The following OSBPL9 variants were observed in gnomAD, a reference collection of about 807,000 sequenced individuals.
OSBPL9 encodes oxysterol-binding protein-related protein 9.
In OSBPL9, 40 loss-of-function variants were observed where a neutral mutation model predicts 106.6. The observed-to-expected ratio is 0.38, with a 90% CI of 0.29 to 0.49. The LOEUF (loss-of-function observed/expected upper bound fraction) is 0.49, where lower values mean the gene tolerates loss of function less well. Ranked by LOEUF, OSBPL9 falls within the 20% of genes least tolerant of loss-of-function variation. The probability of loss-of-function intolerance (pLI) is 0.97; values close to 1 mark genes in which losing one functional copy is unlikely to be tolerated. For synonymous variants in OSBPL9, 269 were observed against 295.4 expected, an observed-to-expected ratio of 0.91 and a Z score of 0.92; for missense variants, 609 against 887.2, an observed-to-expected ratio of 0.69 and a Z score of 3.98.
intron 2 of OSBPL9, among the ~76,000 whole-genome samples, chr1:51,599,154 A>G (rs1316141814): frequency 6.6e-6 from 1 of 152,210 alleles, no homozygotes; most frequent in Non-Finnish European, 1.5e-5. Context: ...TCGAGGCTGC[A>G]GTGAGCTATG....
At chr1:51,561,697 G>C in the OSBPL9 span, 1 of 152,192 alleles carries the variant, frequency 6.6e-6, no homozygotes, top group Non-Finnish European at 1.5e-5. Flanking sequence ...TGGTACATGA[G>C]AGGGACTCAG....
intron 1 of OSBPL9, among the ~76,000 whole-genome samples, chr1:51,578,424 AATATC>A (rs1414682680): frequency 6.6e-6 from 1 of 152,234 alleles, no homozygotes; most frequent in Non-Finnish European, 1.5e-5. Context: ...TTAGGAGAAT[AATATC>A]ATATGATTAA....
At chr1:51,559,457 A>ACACACTCCT in the OSBPL9 span, among the ~76,000 whole-genome samples, 1 of 152,036 alleles carries the variant, frequency 6.6e-6, no homozygotes, top group South Asian at 2.1e-4. Context: ...ACACACACAC[A>ACACACTCCT]CACACACACA....
the OSBPL9 span, among the ~76,000 whole-genome samples, chr1:51,533,608 T>G: frequency 6.6e-6 from 1 of 151,572 alleles, no homozygotes; most frequent in Non-Finnish European, 1.5e-5. Context: ...AAGGAAAGCC[T>G]CCAAAGCAGG....
chr1:51,521,797 A>C, the OSBPL9 span, among the ~76,000 whole-genome samples: 1 of 152,130 alleles, frequency 6.6e-6, no homozygotes, highest in Non-Finnish European at 1.5e-5. Flanking sequence ...TCACTCTGTC[A>C]CCCAGGCTGG....
chr1:51,583,915 C>A (rs1177657172), intron 1 of OSBPL9, among the ~76,000 whole-genome samples: 2 of 152,122 alleles, frequency 1.3e-5, no homozygotes, highest in South Asian at 2.1e-4. Context: ...GTTTGAATTC[C>A]AGTTTCTGCC....
chr1:51,763,318 A>G (rs1671913054), intron 11 of OSBPL9, among the ~76,000 whole-genome samples: 1 of 151,956 alleles, frequency 6.6e-6, no homozygotes, highest in East Asian at 1.9e-4. Flanking sequence ...CATTTTCTTA[A>G]TTCGTTTAGG....
chr1:51,680,392 G>A (rs921089531), intron 3 of OSBPL9, among the ~76,000 whole-genome samples: 7 of 151,996 alleles, frequency 4.6e-5, no homozygotes, highest in Non-Finnish European at 8.8e-5. Context: ...GATAGCTCAC[G>A]CCTGTAATCC....
chr1:51,543,872 T>C, the OSBPL9 span, among the ~76,000 whole-genome samples: 1 of 152,232 alleles, frequency 6.6e-6, no homozygotes, highest in Non-Finnish European at 1.5e-5. Flanking sequence ...AGGTCAAACA[T>C]AGTGCTGACA....
At chr1:51,669,325 A>G (rs1004272880) in intron 2 of OSBPL9, 109 bp from the exon 3 acceptor site, 2 of 866,508 alleles carry the variant, frequency 2.3e-6, no homozygotes, top group Admixed American at 2.5e-5. Flanking sequence ...TTCTGTGTCT[A>G]GCCTGCTTCC....
In OSBPL9 at chr1:51,760,538, T is replaced by C. The variant is rs370956885; in HGVS notation, c.583-152T>C. The C allele has an allele frequency of 1.6e-5, 17 of 1,075,414 alleles. No individual in the cohort carries two copies. The African/African-American group carries it at 2.4e-4, about 15-fold the overall frequency. 66.6% of individuals were successfully genotyped at this position (1,075,414 alleles called of 1,614,324 possible). On this transcript the variant is annotated intron_variant, in intron 9 of 23. Coordinates refer to ENST00000428468, the MANE Select transcript of OSBPL9 (RefSeq NM_024586.6). ...TTTAAGCAACTCTTACACTTCTGTA[T>C]AGAAAAGGTGTTTCATTCCCTCTTT...
chr1:51,523,349 C>T, the OSBPL9 span, among the ~76,000 whole-genome samples: 1 of 151,814 alleles, frequency 6.6e-6, no homozygotes, highest in African/African-American at 2.4e-5. Context: ...TCAAGTCATC[C>T]TCCTGCCTCA....
the OSBPL9 span, among the ~76,000 whole-genome samples, chr1:51,547,898 G>T: frequency 2.0e-5 from 3 of 151,354 alleles, no homozygotes; most frequent in African/African-American, 4.8e-5. Flanking sequence ...AAGTGACATT[G>T]TCACCAACCA....
At chr1:51,536,970 T>G in the OSBPL9 span, among the ~76,000 whole-genome samples, 2 of 152,242 alleles carry the variant, frequency 1.3e-5, no homozygotes, top group African/African-American at 4.8e-5. Context: ...AGAGAGGGAC[T>G]TTGAAACTAT....
rs555751529 is a variant in OSBPL9, at chr1:51,661,917, A to G, written c.163-7517A>G. 4.6e-5 allele frequency among the ~76,000 whole-genome samples: 7 copies of G among 152,302 alleles called. No homozygotes were observed. In the East Asian group the frequency reaches 1.4e-3, roughly 29 times the overall value. On this transcript the variant is annotated intron_variant, in intron 2 of 23. Coordinates refer to ENST00000428468, the MANE Select transcript of OSBPL9 (RefSeq NM_024586.6). ...TTAAGTGTAGAATAGAGAGGTAGGC[A>G]TGGAGCAAATCACTAAGGGCCTTGT...
At chr1:51,653,303 A>G (rs1348685263) in intron 2 of OSBPL9, among the ~76,000 whole-genome samples, 1 of 152,150 alleles carries the variant, frequency 6.6e-6, no homozygotes, top group Non-Finnish European at 1.5e-5. Flanking sequence ...TCTGGTATTA[A>G]CTGCTCTTTT....
In OSBPL9 at chr1:51,757,883, G is replaced by A. The variant is rs750603025; in HGVS notation, c.582+1525G>A. ...GTTTGTTGTAAGGTACAGAACAAGCGCATAGTATTCAATGAATGTTAGCTA... is the reference window on the plus strand; with the variant it reads ...GTTTGTTGTAAGGTACAGAACAAGCACATAGTATTCAATGAATGTTAGCTA... On this transcript the variant is annotated intron_variant, in intron 9 of 23. Coordinates refer to ENST00000428468, the MANE Select transcript of OSBPL9 (RefSeq NM_024586.6). Among the ~76,000 whole-genome samples the A allele has an allele frequency of 5.8e-4, 89 of 152,208 alleles. 1 individual carries two copies. In the Middle Eastern group the frequency reaches 0.01, roughly 17 times the overall value.
At chr1:51,659,493 G>A (rs1647009344) in intron 2 of OSBPL9, among the ~76,000 whole-genome samples, 1 of 151,088 alleles carries the variant, frequency 6.6e-6, no homozygotes, top group South Asian at 2.1e-4. Flanking sequence ...TTTAAAATTA[G>A]GTAAAGAAAA....
the OSBPL9 span, among the ~76,000 whole-genome samples, chr1:51,534,346 C>G: frequency 6.6e-6 from 1 of 152,100 alleles, no homozygotes; most frequent in Non-Finnish European, 1.5e-5. Context: ...TTCTGATTGT[C>G]TTTTTAAGAT....
Sources: allele counts gnomAD v4.1 joint callset (sites outside exome capture counted in the v4.1 genomes callset), GRCh38; gene constraint gnomAD v4.1.1; transcripts MANE v1.5; gene names NCBI Gene and HGNC (gene_info 2026-07-23, HGNC 2026-07-21).